The following PTPRK variants were observed in gnomAD, a reference collection of about 807,000 sequenced individuals.
The protein encoded by PTPRK is protein tyrosine phosphatase receptor type K, also known as receptor-type tyrosine-protein phosphatase kappa.
A neutral mutation model predicts 178.0 loss-of-function variants in PTPRK; 75 were observed. The ratio of observed to expected loss-of-function variants is 0.42; its 90% CI spans 0.35 to 0.51. The LOEUF is 0.51. Among genes scored for constraint, PTPRK ranks in the 20% least tolerant of loss-of-function variants. PTPRK has a pLI of 0.02. For synonymous variants in PTPRK, 637 were observed against 620.6 expected (o/e 1.03, Z -0.39); for missense variants, 1,441 against 1,797.8 (o/e 0.80, Z 3.59).
intron 21 of PTPRK, among the ~76,000 whole-genome samples, chr6:127,990,012 A>G (rs377159546): frequency 1.3e-5 from 2 of 152,150 alleles, no homozygotes; most frequent in East Asian, 3.9e-4. Context: ...AGTCTACTAC[A>G]CCAGCCACCT....
In PTPRK at chr6:128,025,706, G is replaced by GAA. The variant is rs1218448286; in HGVS notation, c.2195-16440_2195-16439dup. Among the ~76,000 whole-genome samples the GAA allele has an allele frequency of 2.0e-5, 3 of 152,162 alleles. No individual in the cohort carries two copies. In the East Asian group the frequency reaches 5.8e-4, roughly 29 times the overall value. On this transcript the variant is annotated intron_variant, in intron 13 of 29. Coordinates refer to ENST00000368226, the MANE Select transcript of PTPRK (RefSeq NM_002844.4). ...CCCTCGCTGCTGAGGCTCTAGAAGAGAACTCATTCCTTGCCTTTTCCAGCT... is the reference window on the plus strand; with the variant it reads ...CCCTCGCTGCTGAGGCTCTAGAAGAGAAAACTCATTCCTTGCCTTTTCCAGCT...
chr6:128,137,099 T>G (rs1403679839), intron 7 of PTPRK, among the ~76,000 whole-genome samples: 1 of 152,120 alleles, frequency 6.6e-6, no homozygotes, highest in African/African-American at 2.4e-5. Context: ...TATAACCATG[T>G]CCCCTCCTCC....
chr6:128,393,578 A>G (rs1484155831), intron 2 of PTPRK, among the ~76,000 whole-genome samples: 1 of 152,192 alleles, frequency 6.6e-6, no homozygotes, highest in Non-Finnish European at 1.5e-5. Context: ...CACAGTAAAA[A>G]TGGGTAAGAG....
At chr6:128,390,116 T>A (rs943614410) in intron 2 of PTPRK, among the ~76,000 whole-genome samples, 2 of 152,112 alleles carry the variant, frequency 1.3e-5, no homozygotes, top group Admixed American at 1.3e-4. Flanking sequence ...CACATTGAAA[T>A]AAGCCCATAA....
At chr6:128,160,787 T>C (rs1798599883) in intron 7 of PTPRK, among the ~76,000 whole-genome samples, 3 of 151,608 alleles carry the variant, frequency 2.0e-5, no homozygotes, top group African/African-American at 7.2e-5. Flanking sequence ...TAAATTTATA[T>C]TGACAAATAA....
intron 6 of PTPRK, among the ~76,000 whole-genome samples, chr6:128,211,151 A>C (rs1395638649): frequency 6.6e-6 from 1 of 152,148 alleles, no homozygotes; most frequent in Non-Finnish European, 1.5e-5. Flanking sequence ...TCAGAGCTAA[A>C]GTAAAGCCTG....
At chr6:128,380,272 G>T (rs1324312952) in intron 2 of PTPRK, among the ~76,000 whole-genome samples, 1 of 151,946 alleles carries the variant, frequency 6.6e-6, no homozygotes, top group African/African-American at 2.4e-5. Flanking sequence ...TCCTTGAAAG[G>T]ATGAAAATAA....
intron 7 of PTPRK, among the ~76,000 whole-genome samples, chr6:128,140,280 A>C (rs1200780328): frequency 3.9e-5 from 6 of 152,108 alleles, no homozygotes. Context: ...TTAAAATCCT[A>C]TAAGGGTAAA....
chr6:128,034,420 C>T (rs529014844), intron 13 of PTPRK, among the ~76,000 whole-genome samples: 9 of 152,334 alleles, frequency 5.9e-5, no homozygotes, highest in African/African-American at 1.9e-4. Context: ...AATCCGTAAA[C>T]TCTTCTTTGA....
chr6:128,316,729 TA>T (rs1175370170), intron 3 of PTPRK, among the ~76,000 whole-genome samples: 36 of 82,150 alleles, frequency 4.4e-4, no homozygotes, highest in Non-Finnish European at 6.5e-4. Flanking sequence ...TTTTTTTTTT[TA>T]AATTTGAGAC....
At chr6:127,983,907 G>A (rs934048240) in intron 22 of PTPRK, among the ~76,000 whole-genome samples, 1 of 151,634 alleles carries the variant, frequency 6.6e-6, no homozygotes, top group Non-Finnish European at 1.5e-5. Flanking sequence ...GCAAATGGTG[G>A]GGGTGGGCAA....
At chr6:128,273,161 A>G (rs1269557021) in intron 3 of PTPRK, among the ~76,000 whole-genome samples, 1 of 152,212 alleles carries the variant, frequency 6.6e-6, no homozygotes, top group Middle Eastern at 3.4e-3. Flanking sequence ...CAATGAGAAC[A>G]CTTGGACACA....
At chr6:128,253,637 T>C (rs1816829297) in intron 3 of PTPRK, among the ~76,000 whole-genome samples, 1 of 152,206 alleles carries the variant, frequency 6.6e-6, no homozygotes, top group Non-Finnish European at 1.5e-5. Context: ...AACAGTCCAA[T>C]CTTACACATA....
At chr6:128,274,064 T>C (rs922941312) in intron 3 of PTPRK, among the ~76,000 whole-genome samples, 1 of 151,914 alleles carries the variant, frequency 6.6e-6, no homozygotes, top group Non-Finnish European at 1.5e-5. Flanking sequence ...ATCAAGACTC[T>C]GTTATGCAAG....
intron 3 of PTPRK, among the ~76,000 whole-genome samples, chr6:128,304,737 A>G (rs1826122591): frequency 6.6e-6 from 1 of 152,244 alleles, no homozygotes; most frequent in Admixed American, 6.5e-5. Context: ...AGAATTCAGT[A>G]GAACGCTAAA....
chr6:128,202,809 G>A (rs1249697859), intron 6 of PTPRK, among the ~76,000 whole-genome samples: 1 of 152,120 alleles, frequency 6.6e-6, no homozygotes, highest in Non-Finnish European at 1.5e-5. Flanking sequence ...ATTGACAGCT[G>A]AATTCTACCA....
chr6:128,287,192 T>C (rs1822641483), intron 3 of PTPRK, among the ~76,000 whole-genome samples: 1 of 152,096 alleles, frequency 6.6e-6, no homozygotes, highest in African/African-American at 2.4e-5. Context: ...TTTAGGTTCC[T>C]CTCCCTCTGC....
At chr6:128,004,666 A>G (rs1013542398) in intron 15 of PTPRK, among the ~76,000 whole-genome samples, 1 of 151,866 alleles carries the variant, frequency 6.6e-6, no homozygotes, top group South Asian at 2.1e-4. Context: ...ACCTATGTCA[A>G]TAATTCCCAA....
chr6:128,297,821 G>A (rs1430556958), intron 3 of PTPRK, among the ~76,000 whole-genome samples: 2 of 152,118 alleles, frequency 1.3e-5, no homozygotes, highest in Admixed American at 1.3e-4. Flanking sequence ...AAGAACTAGA[G>A]AAGCAAGAGC....
Sources: allele counts gnomAD v4.1 joint callset (sites outside exome capture counted in the v4.1 genomes callset), GRCh38; gene constraint gnomAD v4.1.1; transcripts MANE v1.5; gene names NCBI Gene and HGNC (gene_info 2026-07-23, HGNC 2026-07-21).